The following TBC1D22A variants were observed in gnomAD, a reference collection of about 807,000 sequenced individuals.
TBC1D22A encodes the protein putative GTPase activator.
Under a neutral mutation model 60.2 loss-of-function variants are expected in TBC1D22A, and 38 were observed. The observed-to-expected ratio is 0.63, with a 90% CI of 0.49 to 0.83. The LOEUF is 0.83. Among genes scored for constraint, TBC1D22A ranks in the 40% least tolerant of loss-of-function variants. The pLI is 0.00. For synonymous variants in TBC1D22A, 302 were observed against 281.7 expected (o/e 1.07, Z -0.72); for missense variants, 628 against 701.0 (o/e 0.90, Z 1.18).
chr22:46,896,520 A>G (rs983145437), intron 7 of TBC1D22A, among the ~76,000 whole-genome samples: 2 of 152,062 alleles, frequency 1.3e-5, no homozygotes, highest in African/African-American at 4.8e-5. Context: ...GCCATGTGTG[A>G]TGGGAGGCAG....
chr22:46,771,842 G>A (rs1485550610), intron 1 of TBC1D22A, among the ~76,000 whole-genome samples: 10 of 151,898 alleles, frequency 6.6e-5, no homozygotes, highest in African/African-American at 2.4e-4. Flanking sequence ...TGATCCACCC[G>A]CCTCGGCCTC....
intron 11 of TBC1D22A, among the ~76,000 whole-genome samples, chr22:47,052,426 G>A (rs1177580083): frequency 6.6e-6 from 1 of 152,156 alleles, no homozygotes; most frequent in Non-Finnish European, 1.5e-5. Context: ...GTGGGAGGCT[G>A]GGAAGAAAGA....
rs150372870 is a variant in TBC1D22A at position 47,100,124 on chromosome 22, C to T, written c.1330-11384C>T. Among the ~76,000 whole-genome samples, 825 of 152,304 alleles carry T rather than the reference C, an allele frequency of 5.4e-3. 5 individuals carry two copies. Among genetic ancestry groups the T allele is most frequent in the African/African-American group, 0.019 (785 of 41,578 alleles). ...CAGCTGGGTGGCTTCCAGGGTGCTG[C>T]CTGGCCCATCCCTGCAGCTGCAGGC... is the stretch of plus-strand genomic sequence containing the variant. On this transcript the variant is annotated intron_variant, in intron 11 of 12. Transcript: ENST00000337137.
At chr22:47,088,505 C>T (rs150659703) in intron 11 of TBC1D22A, among the ~76,000 whole-genome samples, 1 of 152,282 alleles carries the variant, frequency 6.6e-6, no homozygotes, top group Non-Finnish European at 1.5e-5. Flanking sequence ...CTAAGTAAAG[C>T]CCTTACTAGT....
Position 46,962,078 on chromosome 22 carries a change from G to T in TBC1D22A, c.1016-12212G>T, listed in dbSNP as rs1420077260. Among the ~76,000 whole-genome samples the T allele has an allele frequency of 3.3e-5, 5 of 152,318 alleles. No homozygotes were observed. The East Asian group carries it at 9.7e-4, about 29-fold the overall frequency. ...AGGGCTGACTGTGGCCGGCCCTCTG[G>T]TCCTGGGGGGAGTGTGCTGTCTGGG... is the stretch of plus-strand genomic sequence containing the variant. On this transcript the variant is annotated intron_variant, in intron 8 of 12. Coordinates refer to ENST00000337137, the MANE Select transcript of TBC1D22A (RefSeq NM_014346.5).
intron 4 of TBC1D22A, among the ~76,000 whole-genome samples, chr22:46,809,877 G>A (rs996686493): frequency 1.3e-5 from 2 of 152,040 alleles, no homozygotes; most frequent in African/African-American, 4.8e-5. Flanking sequence ...GGCATTTGTT[G>A]TCCTTTTATT....
chr22:46,819,861 T>C (rs2147089309), intron 4 of TBC1D22A, among the ~76,000 whole-genome samples: 1 of 152,344 alleles, frequency 6.6e-6, no homozygotes, highest in East Asian at 1.9e-4. Context: ...TGAATTTGTC[T>C]GGTCCTGGAC....
chr22:47,036,523 G>C (rs5769293), intron 10 of TBC1D22A, among the ~76,000 whole-genome samples: 116,079 of 152,200 alleles, frequency 0.76, 44,592 homozygotes, highest in Middle Eastern at 0.88. Context: ...GCCCAGCTGT[G>C]TCAGGGGTGT....
intron 10 of TBC1D22A, among the ~76,000 whole-genome samples, chr22:47,027,925 C>A (rs747142442): frequency 6.6e-6 from 1 of 152,160 alleles, no homozygotes; most frequent in African/African-American, 2.4e-5. Flanking sequence ...CTTTGAACTG[C>A]GGGTTCCCTG....
At chr22:46,793,470 T>C (rs1459319714) in intron 2 of TBC1D22A, 31 bp from the exon 3 acceptor site, 4 of 1,610,938 alleles carry the variant, frequency 2.5e-6, no homozygotes, top group South Asian at 1.1e-5. Context: ...CCTTCGAGCA[T>C]GTACGAGTAA....
At chr22:46,984,058 T>G (rs1247890338) in intron 9 of TBC1D22A, among the ~76,000 whole-genome samples, 1 of 151,954 alleles carries the variant, frequency 6.6e-6, no homozygotes, top group Non-Finnish European at 1.5e-5. Context: ...GGTTTAAACT[T>G]GGTATCCAGT....
At chr22:47,152,405 T>G (rs1601688987) in intron 12 of TBC1D22A, among the ~76,000 whole-genome samples, 1 of 152,164 alleles carries the variant, frequency 6.6e-6, no homozygotes, top group African/African-American at 2.4e-5. Context: ...CAGGCCGAAG[T>G]GGGTTCCTCC....
chr22:46,997,824 C>G, intron 10 of TBC1D22A, 115 bp downstream of exon 10: 2 of 824,526 alleles, frequency 2.4e-6, no homozygotes, highest in Non-Finnish European at 3.9e-6. Context: ...TGCTCAGGAT[C>G]CCTCATGGGC....
chr22:46,926,478 C>T (rs1399324030), intron 8 of TBC1D22A, among the ~76,000 whole-genome samples: 1 of 152,218 alleles, frequency 6.6e-6, no homozygotes, highest in Non-Finnish European at 1.5e-5. Context: ...TAGAAACACA[C>T]AAATTGCCAA....
intron 8 of TBC1D22A, among the ~76,000 whole-genome samples, chr22:46,937,082 G>A (rs946601749): frequency 3.9e-5 from 6 of 152,122 alleles, no homozygotes; most frequent in Admixed American, 1.3e-4. Context: ...TATGCTCTGC[G>A]CTTTGCTTTT....
intron 11 of TBC1D22A, among the ~76,000 whole-genome samples, chr22:47,097,443 A>G (rs1394145608): frequency 1.3e-5 from 2 of 152,090 alleles, no homozygotes; most frequent in East Asian, 3.9e-4. Flanking sequence ...GTGAAACCCC[A>G]TCTCTACTAA....
At chr22:46,948,196 CAAG>C (rs1471940582) in intron 8 of TBC1D22A, among the ~76,000 whole-genome samples, 2 of 152,178 alleles carry the variant, frequency 1.3e-5, no homozygotes, top group African/African-American at 2.4e-5. Context: ...AGAGAGAAAA[CAAG>C]AAATCAAAGC....
At chr22:47,019,154 T>G (rs1244390709) in intron 10 of TBC1D22A, among the ~76,000 whole-genome samples, 1 of 152,168 alleles carries the variant, frequency 6.6e-6, no homozygotes, top group African/African-American at 2.4e-5. Flanking sequence ...GAGCCTGCGT[T>G]TGTTCACTTT....
intron 4 of TBC1D22A, among the ~76,000 whole-genome samples, chr22:46,848,086 G>C (rs988295027): frequency 6.6e-6 from 1 of 152,248 alleles, no homozygotes; most frequent in Non-Finnish European, 1.5e-5. Flanking sequence ...AAATAGTTGG[G>C]AGAGTGATCT....
Sources: gnomAD v4.1 joint callset for allele counts (sites outside exome capture counted in the v4.1 genomes callset) on GRCh38, gnomAD v4.1.1 for gene constraint, MANE v1.5 for transcripts, NCBI Gene and HGNC (gene_info 2026-07-23, HGNC 2026-07-21) for gene names.